The following DMXL2 variants were observed in gnomAD, a reference collection of about 807,000 sequenced individuals.
The protein encoded by DMXL2 is Dmx like 2, also known as dmX-like protein 2.
In DMXL2, 103 loss-of-function variants were observed where a neutral mutation model predicts 331.1. The ratio of observed to expected loss-of-function variants is 0.31; its 90% CI spans 0.27 to 0.37. The LOEUF (loss-of-function observed/expected upper bound fraction) is 0.37, where lower values mean the gene tolerates loss of function less well. Among genes scored for constraint, DMXL2 ranks in the 10% least tolerant of loss-of-function variants. The pLI is 1.00. For missense variants in DMXL2, 3,171 were observed against 3,642.9 expected (o/e 0.87, Z 3.33); for synonymous variants, 1,281 against 1,252.1 (o/e 1.02, Z -0.49).
chr15:51,448,361 T>A lies in DMXL2; in HGVS notation c.*623A>T, dbSNP rs2038855179. ...ACTAGCAGTCCAAAAAATGTGAATG[T>A]GCAAATTGTGAGTAAAACATTGCAT... On this transcript the variant is annotated 3_prime_UTR_variant, in exon 44 of 44. Transcript: ENST00000560891. 1 of 153,276 alleles carries A rather than the reference T, an allele frequency of 6.5e-6. No individual in the cohort carries two copies. Among genetic ancestry groups the A allele is most frequent in the Non-Finnish European group, 1.5e-5 (1 of 68,504 alleles). 9.5% of individuals were successfully genotyped at this position (153,276 alleles called of 1,614,324 possible).
chr15:51,599,321 A>G (rs895851176), intron 1 of DMXL2, among the ~76,000 whole-genome samples: 2 of 152,232 alleles, frequency 1.3e-5, no homozygotes, highest in African/African-American at 4.8e-5. Flanking sequence ...ACCAAGATCT[A>G]GATGCCAGTT....
rs141892472 is a variant in DMXL2, at chr15:51,605,352, C to T, written c.87+17107G>A. The stretch of plus-strand genomic sequence containing the variant: ...AGTGGCTGGGACTACAGGCGTGTGC[C>T]ACCATGCCTGGCTAATTTTTGTATT... On this transcript the variant is annotated intron_variant, in intron 1 of 43. Coordinates refer to ENST00000560891, the MANE Select transcript of DMXL2 (RefSeq NM_001378457.1). Among the ~76,000 whole-genome samples, 1,159 of 152,040 alleles carry T rather than the reference C, an allele frequency of 7.6e-3. 18 individuals carry two copies. The highest frequency in any genetic ancestry group is 0.027 in the African/African-American group (1,108 of 41,456).
chr15:51,579,584 G>T (rs187342385), intron 1 of DMXL2, among the ~76,000 whole-genome samples: 1 of 152,150 alleles, frequency 6.6e-6, no homozygotes, highest in African/African-American at 2.4e-5. Flanking sequence ...ATAAATAGCT[G>T]TATAGTAAAT....
chr15:51,454,284 T>C (rs2039420548), intron 40 of DMXL2: 2 of 152,238 alleles, frequency 1.3e-5, no homozygotes, highest in South Asian at 2.1e-4. Flanking sequence ...TCCCTCCATA[T>C]ATGTGAAGCC....
rs772024052 is a variant in DMXL2, at chr15:51,458,716, A to C, written c.8069T>G (p.Val2690Gly). 1.2e-6 allele frequency: 2 copies of C among 1,614,058 alleles called. No homozygotes were observed. The highest frequency in any genetic ancestry group is 1.1e-5 in the South Asian group (1 of 91,076). ...AATGATGAGAGCTTTTACCTTATTAACAGAAAATGCCATGATCATATCAGA... is the reference window on the plus strand; with the variant it reads ...AATGATGAGAGCTTTTACCTTATTACCAGAAAATGCCATGATCATATCAGA... ...KESDMIMAFS[V>G]NKANCNEIVL... Residue 2690 changes from valine to glycine, a missense_variant, in exon 35 of 44, where the codon GTT becomes GGT. By Grantham distance (109) the Val-to-Gly change is moderately radical. Transcript: ENST00000560891.
intron 1 of DMXL2, among the ~76,000 whole-genome samples, chr15:51,595,395 C>T (rs1005359881): frequency 6.6e-5 from 10 of 152,298 alleles, no homozygotes; most frequent in African/African-American, 2.2e-4. Flanking sequence ...AGGAGAACTA[C>T]AAACCACTGC....
At chr15:51,582,011 G>A (rs184684345) in intron 1 of DMXL2, among the ~76,000 whole-genome samples, 15 of 152,262 alleles carry the variant, frequency 9.9e-5, no homozygotes, top group Admixed American at 9.8e-4. Context: ...ACCGCTCCCT[G>A]GGAGTGAGTT....
chr15:51,574,736 T>C (rs2050904430), intron 2 of DMXL2, among the ~76,000 whole-genome samples: 1 of 152,216 alleles, frequency 6.6e-6, no homozygotes, highest in African/African-American at 2.4e-5. Flanking sequence ...TTTTGCCTTA[T>C]TTACATTAAA....
At chr15:51,577,058 T>C (rs999177064) in intron 1 of DMXL2, among the ~76,000 whole-genome samples, 1 of 152,162 alleles carries the variant, frequency 6.6e-6, no homozygotes, top group Non-Finnish European at 1.5e-5. Context: ...GGTCAGAGAG[T>C]TGGGACATAT....
intron 6 of DMXL2, among the ~76,000 whole-genome samples, chr15:51,547,940 T>C (rs1181399560): frequency 3.9e-5 from 6 of 152,110 alleles, no homozygotes; most frequent in African/African-American, 1.4e-4. Context: ...CAGATTCTTC[T>C]TTTTTTCTTA....
In DMXL2 at chr15:51,450,162, A is replaced by G; in HGVS notation, c.8934T>C (p.Tyr2978=). The G allele has an allele frequency of 6.2e-7, 1 of 1,614,008 alleles. No homozygotes were observed. The highest frequency in any genetic ancestry group is 8.5e-7 in the Non-Finnish European group (1 of 1,179,986). Residue 2978 remains tyrosine, a synonymous_variant, in exon 43 of 44, where the codon TAT becomes TAC. Coordinates refer to ENST00000560891, the MANE Select transcript of DMXL2 (RefSeq NM_001378457.1). The part of the protein sequence containing the change: ...KALALDPYEE[Y]FTTGSAEGNI... ...TACCTTCTGCTGAACCTGTGGTAAAATATTCCTCATAGGGATCCAAGGCCA... is the reference window on the plus strand; with the variant it reads ...TACCTTCTGCTGAACCTGTGGTAAAGTATTCCTCATAGGGATCCAAGGCCA...
At chr15:51,612,034 T>C (rs989401738) in intron 1 of DMXL2, among the ~76,000 whole-genome samples, 3 of 152,122 alleles carry the variant, frequency 2.0e-5, no homozygotes, top group African/African-American at 4.8e-5. Flanking sequence ...TTTCTTTGGG[T>C]CCATGCCATC....
At chr15:51,507,045 C>A (rs1432459186) in intron 16 of DMXL2, 89 bp downstream of exon 16, 12 of 1,071,378 alleles carry the variant, frequency 1.1e-5, no homozygotes, top group Middle Eastern at 3.2e-4. Flanking sequence ...TTTAATGGAA[C>A]TTCATTTTAC....
chr15:51,498,310 G>T (rs908220196), intron 18 of DMXL2, among the ~76,000 whole-genome samples: 4 of 152,032 alleles, frequency 2.6e-5, no homozygotes, highest in African/African-American at 9.7e-5. Flanking sequence ...ATGACACAAA[G>T]GTTTCAGTGT....
intron 9 of DMXL2, among the ~76,000 whole-genome samples, chr15:51,539,537 G>T (rs1372219974): frequency 6.6e-6 from 1 of 152,102 alleles, no homozygotes; most frequent in Non-Finnish European, 1.5e-5. Context: ...GGCCAGGTGT[G>T]GTGGCTCATG....
intron 29 of DMXL2, among the ~76,000 whole-genome samples, chr15:51,467,973 A>T (rs766736219): frequency 1.3e-5 from 2 of 152,000 alleles, no homozygotes; most frequent in Non-Finnish European, 2.9e-5. Flanking sequence ...TGATCTGCCC[A>T]CCTTGGCCTC....
chr15:51,550,601 G>T (rs2140962125), intron 6 of DMXL2, among the ~76,000 whole-genome samples: 1 of 151,892 alleles, frequency 6.6e-6, no homozygotes, highest in South Asian at 2.1e-4. Context: ...AAAAAGAAAA[G>T]ATAAATTCCA....
chr15:51,509,107 G>A (rs924393367), intron 15 of DMXL2, among the ~76,000 whole-genome samples: 1 of 151,912 alleles, frequency 6.6e-6, no homozygotes, highest in Non-Finnish European at 1.5e-5. Flanking sequence ...AATCAAGTCT[G>A]TAGAGCTAAC....
chr15:51,490,585 T>C (rs1229899968), intron 20 of DMXL2, among the ~76,000 whole-genome samples: 1 of 152,242 alleles, frequency 6.6e-6, no homozygotes, highest in Non-Finnish European at 1.5e-5. Flanking sequence ...GACTGGAGTT[T>C]GGGCTTGTTA....
Sources: gnomAD v4.1 joint callset for allele counts (sites outside exome capture counted in the v4.1 genomes callset) on GRCh38, gnomAD v4.1.1 for gene constraint, MANE v1.5 for transcripts, NCBI Gene and HGNC (gene_info 2026-07-23, HGNC 2026-07-21) for gene names.